The following CPN1 variants were observed in gnomAD, a reference collection of about 807,000 sequenced individuals.
The protein encoded by CPN1 is carboxypeptidase N subunit 1, also known as carboxypeptidase N catalytic chain.
A neutral mutation model predicts 46.4 loss-of-function variants in CPN1; 37 were observed. The observed-to-expected ratio is 0.80, with a 90% CI of 0.61 to 1.05. The LOEUF (loss-of-function observed/expected upper bound fraction) is 1.05, where lower values mean the gene tolerates loss of function less well. Among genes scored for constraint, CPN1 ranks in the 50% least tolerant of loss-of-function variants. The pLI, the probability that CPN1 is intolerant of heterozygous loss-of-function variation, is 0.00. For synonymous variants in CPN1, 224 were observed against 235.4 expected (o/e 0.95, Z 0.44); for missense variants, 563 against 602.6 (o/e 0.93, Z 0.69).
At chr10:100,060,180 T>C (rs1223070072) in intron 5 of CPN1, among the ~76,000 whole-genome samples, 1 of 152,212 alleles carries the variant, frequency 6.6e-6, no homozygotes, top group Non-Finnish European at 1.5e-5. Context: ...GTGATGACTG[T>C]ACAACATCAC....
chr10:100,055,349 T>TC lies in CPN1; in HGVS notation c.1012-904dup, dbSNP rs367933092. Among the ~76,000 whole-genome samples the TC allele has an allele frequency of 9.8e-3, 1,416 of 144,234 alleles. 18 individuals carry two copies. Among genetic ancestry groups the TC allele is most frequent in the African/African-American group, 0.029 (1,145 of 39,146 alleles). 94.6% of individuals were successfully genotyped at this position (144,234 alleles called of 152,430 possible). Reference sequence around the variant, plus strand: ...TCTATTAAACAATGATTCTCCATTATCCCCCCCCCCAGCCCCTGGCAACCA... The same window carrying TC: ...TCTATTAAACAATGATTCTCCATTATCCCCCCCCCCCAGCCCCTGGCAACCA... On this transcript the variant is annotated intron_variant, in intron 6 of 8. Transcript: ENST00000370418.
At chr10:100,057,496 T>C (rs1420260756) in intron 5 of CPN1, among the ~76,000 whole-genome samples, 1 of 152,136 alleles carries the variant, frequency 6.6e-6, no homozygotes, top group East Asian at 1.9e-4. Flanking sequence ...TATGTATCGT[T>C]ATTATTTGTT....
intron 5 of CPN1, among the ~76,000 whole-genome samples, chr10:100,058,292 T>C (rs2041396765): frequency 6.6e-6 from 1 of 152,198 alleles, no homozygotes; most frequent in Non-Finnish European, 1.5e-5. Flanking sequence ...AGAATAGATT[T>C]TTCTCCTTAA....
chr10:100,075,799 A>T, intron 2 of CPN1, 112 bp downstream of exon 2: 1 of 1,165,880 alleles, frequency 8.6e-7, no homozygotes, highest in Non-Finnish European at 1.2e-6. Context: ...TTCATCTTTT[A>T]CTTTTAACAT....
chr10:100,054,904 A>G (rs1244268731), intron 6 of CPN1, among the ~76,000 whole-genome samples: 1 of 150,598 alleles, frequency 6.6e-6, no homozygotes, highest in African/African-American at 2.4e-5. Flanking sequence ...AAATACACAT[A>G]AAATAAAATT....
At position 100,081,524 on chromosome 10, in the gene CPN1, C is replaced by CATCTT. The variant is rs1202502718; in HGVS notation, c.101_102insAAGAT (p.Leu35ArgfsTer63). 1.2e-6 allele frequency: 2 copies of CATCTT among 1,614,164 alleles called. No homozygotes were observed. The highest frequency in any genetic ancestry group is 3.3e-5 in the Admixed American group (2 of 60,008). Reference sequence around the variant, plus strand: ...GGCATTCGTTTTGCACCTTGTACAGCGTCCGCACAAGATCATCATAGCGGT... The same window carrying CATCTT: ...GGCATTCGTTTTGCACCTTGTACAGCATCTTGTCCGCACAAGATCATCATAGCGGT... On this transcript the variant is annotated frameshift_variant, in exon 1 of 9. Coordinates refer to ENST00000370418, the MANE Select transcript of CPN1 (RefSeq NM_001308.3). LOFTEE classifies it high-confidence loss of function.
intron 2 of CPN1, among the ~76,000 whole-genome samples, chr10:100,073,250 T>C (rs1297567560): frequency 1.3e-5 from 2 of 152,322 alleles, no homozygotes; most frequent in East Asian, 3.9e-4. Context: ...TACACTTCTG[T>C]GACATAATGA....
At chr10:100,058,795 C>G (rs1040996464) in intron 5 of CPN1, among the ~76,000 whole-genome samples, 2 of 152,128 alleles carry the variant, frequency 1.3e-5, no homozygotes, top group Admixed American at 6.6e-5. Flanking sequence ...TTGAAGCTTA[C>G]TACAAAGCTA....
At chr10:100,070,546 C>A (rs1298910061) in intron 2 of CPN1, among the ~76,000 whole-genome samples, 4 of 152,060 alleles carry the variant, frequency 2.6e-5, no homozygotes, top group Non-Finnish European at 5.9e-5. Context: ...GCCATGAATC[C>A]TATATTTGAA....
Position 100,081,651 on chromosome 10 carries a change from C to T in CPN1, c.-26G>A. On this transcript the variant is annotated 5_prime_UTR_variant, in exon 1 of 9. Coordinates refer to ENST00000370418, the MANE Select transcript of CPN1 (RefSeq NM_001308.3). ...CTTGCTGGGCTTTTTCAAAGAGAGC[C>T]ACTGAAACGCGCCCCACCTCCTTAA... 1 of 1,596,944 alleles carries T rather than the reference C, an allele frequency of 6.3e-7. No homozygotes were observed. Among genetic ancestry groups the T allele is most frequent in the South Asian group, 1.1e-5 (1 of 90,430 alleles).
chr10:100,049,000 C>T (rs927685458), intron 7 of CPN1, 124 bp from the exon 8 acceptor site: 5 of 696,204 alleles, frequency 7.2e-6, no homozygotes, highest in Non-Finnish European at 1.3e-5. Context: ...GCTCTGTCAC[C>T]CAGGCTGGAG....
chr10:100,068,198 G>A (rs1327120015), intron 3 of CPN1, among the ~76,000 whole-genome samples: 26 of 149,192 alleles, frequency 1.7e-4, no homozygotes, highest in African/African-American at 5.9e-4. Flanking sequence ...AAAACTAAGG[G>A]TTAGATTCCC....
Position 100,048,822 on chromosome 10 carries a change from G to A in CPN1, c.1166C>T (p.Ala389Val). The A allele has an allele frequency of 5.0e-6, 8 of 1,613,958 alleles. No individual in the cohort carries two copies. Among genetic ancestry groups the A allele is most frequent in the Non-Finnish European group, 5.1e-6 (6 of 1,179,864 alleles). ...LLLPGIYTVS[A>V]TAPGYDPETV... The stretch of plus-strand genomic sequence containing the variant: ...CTCTGGGTCATACCCAGGTGCTGTG[G>A]CACTAACAGTGTAGATACCTGGAAG... Residue 389 changes from alanine to valine, a missense_variant, in exon 8 of 9, where the codon GCC becomes GTC. Physicochemically the swap from Ala to Val is moderately conservative, Grantham distance 64. Coordinates refer to ENST00000370418, the MANE Select transcript of CPN1 (RefSeq NM_001308.3).
intron 7 of CPN1, among the ~76,000 whole-genome samples, 184 bp downstream of exon 7, chr10:100,054,163 G>A (rs557494565): frequency 6.6e-6 from 1 of 152,282 alleles, no homozygotes; most frequent in African/African-American, 2.4e-5. Flanking sequence ...CATCTTGGTT[G>A]TTTGATTCAG....
intron 2 of CPN1, among the ~76,000 whole-genome samples, chr10:100,073,371 T>C (rs942419666): frequency 1.3e-5 from 2 of 152,230 alleles, no homozygotes; most frequent in South Asian, 4.1e-4. Flanking sequence ...CCCTGCACAC[T>C]GGTCAATAGT....
intron 2 of CPN1, among the ~76,000 whole-genome samples, chr10:100,070,155 T>C (rs1306523406): frequency 1.3e-5 from 2 of 151,688 alleles, no homozygotes; most frequent in Non-Finnish European, 2.9e-5. Flanking sequence ...ATCAAACTCC[T>C]GGGCTCAAGT....
At chr10:100,049,810 C>G (rs973755911) in intron 7 of CPN1, among the ~76,000 whole-genome samples, 1 of 151,916 alleles carries the variant, frequency 6.6e-6, no homozygotes, top group Non-Finnish European at 1.5e-5. Context: ...TTTTACTGTG[C>G]TCTACACTGA....
At chr10:100,068,844 C>A (rs2041469141) in intron 3 of CPN1, among the ~76,000 whole-genome samples, 1 of 149,074 alleles carries the variant, frequency 6.7e-6, no homozygotes, top group Admixed American at 6.9e-5. Context: ...CAGCCTGAGC[C>A]TCTTTCTATA....
At chr10:100,065,561 TG>T (rs1373751339) in intron 3 of CPN1, among the ~76,000 whole-genome samples, 191 bp from the exon 4 acceptor site, 1 of 152,178 alleles carries the variant, frequency 6.6e-6, no homozygotes, top group East Asian at 1.9e-4. Flanking sequence ...AACAATGGCG[TG>T]TATAGAACTT....
Sources: allele counts gnomAD v4.1 joint callset (sites outside exome capture counted in the v4.1 genomes callset), GRCh38; gene constraint gnomAD v4.1.1; transcripts MANE v1.5; gene names NCBI Gene and HGNC (gene_info 2026-07-23, HGNC 2026-07-21).